SP1: variants seen among roughly 807,000 people sequenced by gnomAD.
The protein encoded by SP1 is transcription factor Sp1.
In SP1, 6 loss-of-function variants were observed where a neutral mutation model predicts 66.3. The ratio of observed to expected loss-of-function variants is 0.09; its 90% CI spans 0.05 to 0.18. SP1 has a LOEUF of 0.18. Among genes scored for constraint, SP1 ranks in the 10% least tolerant of loss-of-function variants. The pLI is 1.00. For missense variants in SP1, 848 were observed against 964.5 expected (o/e 0.88, Z 1.60); for synonymous variants, 417 against 360.8 (o/e 1.16, Z -1.77).
chr12:53,404,170 C>CAA (rs773566491), intron 3 of SP1, among the ~76,000 whole-genome samples: 3 of 105,782 alleles, frequency 2.8e-5, no homozygotes, highest in African/African-American at 1.0e-4. Context: ...GACTCCGTCT[C>CAA]AAAAAAAAAA....
At position 53,406,612 on chromosome 12, in the gene SP1, A is replaced by G. The variant is rs768124118; in HGVS notation, c.1703A>G (p.His568Arg). Residue 568 changes from histidine to arginine, a missense_variant, in exon 4 of 6, where the codon CAT becomes CGT. By Grantham distance (29) the His-to-Arg change is conservative. This residue lies in a region of SP1 where 606 missense variants were observed against 589.9 expected (regional missense o/e 1.03). Coordinates refer to ENST00000327443, the MANE Select transcript of SP1 (RefSeq NM_138473.3). ...PGDHGAQLGLHGAGGDGIHDD... is the reference protein window; with the variant it reads ...PGDHGAQLGLRGAGGDGIHDD... ...GATCATGGAGCTCAGCTTGGTCTCC[A>G]TGGGGCTGGTGGTGATGGAATACAT... is the stretch of plus-strand genomic sequence containing the variant. 1 of 1,614,014 alleles carries G rather than the reference A, an allele frequency of 6.2e-7. No homozygotes were observed. Among genetic ancestry groups the G allele is most frequent in the African/African-American group, 1.3e-5 (1 of 74,988 alleles).
chr12:53,404,035 G>A (rs1938671339), intron 3 of SP1, among the ~76,000 whole-genome samples: 1 of 151,752 alleles, frequency 6.6e-6, no homozygotes, highest in South Asian at 2.1e-4. Flanking sequence ...GCCGGGCGTG[G>A]TGACGGGCGC....
At chr12:53,410,393 C>G (rs916088466) in intron 5 of SP1, among the ~76,000 whole-genome samples, 2 of 152,150 alleles carry the variant, frequency 1.3e-5, no homozygotes, top group Admixed American at 6.6e-5. Context: ...TTAGTCTCTG[C>G]CCTGCCTTAC....
At chr12:53,399,747 C>T (rs1340568496) in intron 3 of SP1, among the ~76,000 whole-genome samples, 1 of 152,070 alleles carries the variant, frequency 6.6e-6, no homozygotes, top group African/African-American at 2.4e-5. Context: ...AAGCGATTCT[C>T]CTGCCTCAGC....
chr12:53,380,558 G>C, intron 1 of SP1: 1 of 732,658 alleles, frequency 1.4e-6, no homozygotes, highest in Non-Finnish European at 1.8e-6. Flanking sequence ...GGCCACGGGG[G>C]ACGGGCCTTA....
chr12:53,381,607 TCATTTCTTTTCTTCC>T (rs1286050910), intron 1 of SP1, 37 bp from the exon 2 acceptor site: 1 of 1,515,186 alleles, frequency 6.6e-7, no homozygotes, highest in African/African-American at 1.4e-5. Flanking sequence ...CCTTCCTACT[TCATTTCTTTTCTTCC>T]CTCAAGTTTA....
intron 3 of SP1, among the ~76,000 whole-genome samples, chr12:53,399,740 C>T (rs1404313162): frequency 2.6e-5 from 4 of 151,946 alleles, no homozygotes; most frequent in Non-Finnish European, 4.4e-5. Flanking sequence ...TGGGTTCAAG[C>T]GATTCTCCTG....
chr12:53,383,305 C>T lies in SP1; in HGVS notation c.1358C>T (p.Thr453Ile). Reference protein sequence around the residue: ...VPNSGPIIIRTPTVGPNGQVS... With the variant: ...VPNSGPIIIRIPTVGPNGQVS... ...AACTCTGGTCCCATCATCATCCGGACACCAACAGTGGGGCCCAATGGACAG... is the reference window on the plus strand; with the variant it reads ...AACTCTGGTCCCATCATCATCCGGATACCAACAGTGGGGCCCAATGGACAG... Residue 453 changes from threonine to isoleucine, a missense_variant, in exon 3 of 6, where the codon ACA becomes ATA. Around this residue, in one of 7 missense-constraint regions of SP1, gnomAD observed 606 missense variants for 589.9 expected, o/e 1.03. Transcript: ENST00000327443. The T allele has an allele frequency of 1.9e-6, 3 of 1,614,236 alleles. No individual in the cohort carries two copies. Among genetic ancestry groups the T allele is most frequent in the Non-Finnish European group, 2.5e-6 (3 of 1,180,052 alleles).
chr12:53,408,841 G>A (rs1049340069), intron 4 of SP1, among the ~76,000 whole-genome samples: 9 of 151,914 alleles, frequency 5.9e-5, no homozygotes, highest in African/African-American at 1.7e-4. Context: ...GGGAGGTGGA[G>A]GTTGCAGTGA....
intron 3 of SP1, among the ~76,000 whole-genome samples, chr12:53,384,354 G>A (rs771589785): frequency 3.3e-5 from 5 of 150,896 alleles, no homozygotes; most frequent in Non-Finnish European, 7.4e-5. Context: ...GCGTGATCTC[G>A]GCTCACTGCA....
intron 4 of SP1, among the ~76,000 whole-genome samples, chr12:53,408,922 C>G (rs1938817534): frequency 7.0e-6 from 1 of 142,976 alleles, no homozygotes; most frequent in Admixed American, 7.0e-5. Flanking sequence ...AACAAACGAA[C>G]AAAAAAAAGA....
chr12:53,402,815 A>G (rs1283442372), intron 3 of SP1, among the ~76,000 whole-genome samples: 2 of 151,888 alleles, frequency 1.3e-5, no homozygotes, highest in Non-Finnish European at 2.9e-5. Context: ...AAAAGTAAAA[A>G]ATTAACCGAG....
At chr12:53,385,128 C>T (rs1938197558) in intron 3 of SP1, among the ~76,000 whole-genome samples, 1 of 150,540 alleles carries the variant, frequency 6.6e-6, no homozygotes, top group Non-Finnish European at 1.5e-5. Flanking sequence ...AACCCCTTCT[C>T]TACTAAAAAT....
intron 3 of SP1, among the ~76,000 whole-genome samples, chr12:53,394,381 C>T (rs1938425581): frequency 1.3e-5 from 2 of 150,588 alleles, no homozygotes; most frequent in Non-Finnish European, 3.0e-5. Context: ...TTCTCTCTCT[C>T]CTCTTTTTGT....
chr12:53,402,161 C>A (rs1466339800), intron 3 of SP1, among the ~76,000 whole-genome samples: 1 of 151,902 alleles, frequency 6.6e-6, no homozygotes, highest in Non-Finnish European at 1.5e-5. Flanking sequence ...TCAGCTCTAC[C>A]AATATCATGA....
intron 3 of SP1, among the ~76,000 whole-genome samples, chr12:53,387,281 G>A (rs976340034): frequency 3.3e-5 from 5 of 152,144 alleles, no homozygotes; most frequent in Non-Finnish European, 5.9e-5. Context: ...ATATATGTGG[G>A]TTTATAAATT....
intron 3 of SP1, among the ~76,000 whole-genome samples, chr12:53,393,085 G>A (rs1005407796): frequency 2.6e-5 from 4 of 152,078 alleles, no homozygotes; most frequent in African/African-American, 9.6e-5. Context: ...AACCTCCCAA[G>A]TGCTGGGATT....
In SP1 at chr12:53,384,133, G is replaced by C. The variant is rs2136890110; in HGVS notation, c.1675+511G>C. ...TACAGGTGCCTGCCACCACGCCCGG[G>C]TAATTTTTTGTATTTTTAGTAGAGA... On this transcript the variant is annotated intron_variant, in intron 3 of 5. Coordinates refer to ENST00000327443, the MANE Select transcript of SP1 (RefSeq NM_138473.3). 2.6e-5 allele frequency among the ~76,000 whole-genome samples: 4 copies of C among 151,138 alleles called. 1 individual carries two copies. Among genetic ancestry groups the C allele is most frequent in the African/African-American group, 9.7e-5 (4 of 41,224 alleles).
intron 1 of SP1, among the ~76,000 whole-genome samples, chr12:53,381,047 A>C (rs1938085555): frequency 7.2e-6 from 1 of 138,792 alleles, no homozygotes; most frequent in Non-Finnish European, 1.5e-5. Context: ...TGCCTCCCGG[A>C]TTCAGGCGAT....
Sources: gnomAD v4.1 joint callset for allele counts (sites outside exome capture counted in the v4.1 genomes callset) on GRCh38, gnomAD v4.1.1 for gene constraint, gnomAD v4.1.1 regional missense constraint, MANE v1.5 for transcripts, NCBI Gene and HGNC (gene_info 2026-07-23, HGNC 2026-07-21) for gene names.